Variants in PTPRD observed in about 807,000 individuals in gnomAD.
PTPRD encodes receptor-type tyrosine-protein phosphatase delta.
PTPRD carries 34 observed loss-of-function variants against 214.5 expected under a neutral mutation model. The observed-to-expected ratio is 0.16, with a 90% CI of 0.12 to 0.21. The LOEUF is 0.21. Ranked by LOEUF, PTPRD falls within the 10% of genes least tolerant of loss-of-function variation. The pLI, the probability that PTPRD is intolerant of heterozygous loss-of-function variation, is 1.00. For missense variants in PTPRD, 2,545 were observed against 2,398.7 expected (o/e 1.06, Z -1.27); for synonymous variants, 1,128 against 845.7 (o/e 1.33, Z -5.79).
intron 10 of PTPRD, among the ~76,000 whole-genome samples, chr9:9,152,009 G>C (rs544646821): frequency 1.3e-5 from 2 of 152,184 alleles, no homozygotes; most frequent in African/African-American, 4.8e-5. Flanking sequence ...TTAGATGAGT[G>C]AGAGTAACAC....
At chr9:10,248,135 T>G (rs888962506) in intron 3 of PTPRD, among the ~76,000 whole-genome samples, 1 of 152,106 alleles carries the variant, frequency 6.6e-6, no homozygotes, top group Non-Finnish European at 1.5e-5. Context: ...AATAAACCTC[T>G]TTCTTTCTTA....
At chr9:9,387,734 G>C (rs895774919) in intron 9 of PTPRD, among the ~76,000 whole-genome samples, 30 of 152,108 alleles carry the variant, frequency 2.0e-4, no homozygotes, top group African/African-American at 7.2e-4. Flanking sequence ...CTATGGGATG[G>C]GGGCATGGCT....
intron 9 of PTPRD, among the ~76,000 whole-genome samples, chr9:9,236,785 G>A (rs2099967032): frequency 6.6e-6 from 1 of 151,780 alleles, no homozygotes; most frequent in Non-Finnish European, 1.5e-5. Flanking sequence ...CCATAAGGTT[G>A]GGACCCCAAA....
intron 5 of PTPRD, among the ~76,000 whole-genome samples, chr9:9,907,010 T>C (rs896938740): frequency 6.6e-5 from 10 of 151,624 alleles, no homozygotes; most frequent in Middle Eastern, 3.2e-3. Flanking sequence ...TTAGGAAAAA[T>C]TACCTAAGTT....
At chr9:10,173,926 C>G (rs1306567388) in intron 3 of PTPRD, among the ~76,000 whole-genome samples, 1 of 152,024 alleles carries the variant, frequency 6.6e-6, no homozygotes, top group South Asian at 2.1e-4. Context: ...TAATGTTGGT[C>G]ATACTTATGT....
At chr9:9,819,242 G>T (rs575110137) in intron 5 of PTPRD, among the ~76,000 whole-genome samples, 1 of 152,052 alleles carries the variant, frequency 6.6e-6, no homozygotes, top group African/African-American at 2.4e-5. Flanking sequence ...AGTTTGGCTG[G>T]AGTATCGGCA....
At chr9:8,329,017 A>T (rs1206773060) in intron 44 of PTPRD, among the ~76,000 whole-genome samples, 4 of 152,102 alleles carry the variant, frequency 2.6e-5, no homozygotes, top group African/African-American at 9.7e-5. Context: ...CCACGTTCTG[A>T]AGCTGACATC....
chr9:10,440,666 A>G lies in PTPRD; in HGVS notation c.-599-99649T>C, dbSNP rs890931586. Among the ~76,000 whole-genome samples the G allele has an allele frequency of 3.3e-5, 5 of 151,828 alleles. No individual in the cohort carries two copies. In the East Asian group the frequency reaches 9.7e-4, roughly 29 times the overall value. ...AGACCAAACTTGAAAGCAATGAGAA[A>G]TCTAGGTTGGACAGATCATTTCACC... On this transcript the variant is annotated intron_variant, in intron 2 of 45. Transcript: ENST00000381196.
intron 9 of PTPRD, among the ~76,000 whole-genome samples, chr9:9,347,856 TCAC>T (rs2049460960): frequency 6.6e-6 from 1 of 152,124 alleles, no homozygotes; most frequent in African/African-American, 2.4e-5. Context: ...ATTCAAATCA[TCAC>T]TACTGTGGCA....
intron 2 of PTPRD, among the ~76,000 whole-genome samples, chr9:10,605,228 C>T (rs944516813): frequency 6.6e-6 from 1 of 151,800 alleles, no homozygotes; most frequent in African/African-American, 2.4e-5. Context: ...TGTCTATTCT[C>T]TTTCCTGAGA....
At chr9:8,500,656 A>G (rs752904439) in intron 24 of PTPRD, 98 bp downstream of exon 24, 6 of 1,262,430 alleles carry the variant, frequency 4.8e-6, no homozygotes, top group Non-Finnish European at 6.6e-6. Flanking sequence ...CTGGGTAAAA[A>G]GATGAGCAGA....
chr9:8,362,416 G>C (rs1159160207), intron 39 of PTPRD, among the ~76,000 whole-genome samples: 5 of 152,200 alleles, frequency 3.3e-5, no homozygotes, highest in Non-Finnish European at 7.4e-5. Context: ...ACACACGAAA[G>C]AGGGATGAAA....
intron 9 of PTPRD, among the ~76,000 whole-genome samples, chr9:9,362,766 T>G (rs936093723): frequency 6.6e-6 from 1 of 151,318 alleles, no homozygotes; most frequent in Non-Finnish European, 1.5e-5. Flanking sequence ...CTTGATAGAA[T>G]AGCAAATGTG....
intron 2 of PTPRD, among the ~76,000 whole-genome samples, chr9:10,398,746 T>G (rs949160532): frequency 6.6e-6 from 1 of 152,116 alleles, no homozygotes; most frequent in South Asian, 2.1e-4. Context: ...CGGCCACGTA[T>G]GCATATTGTG....
At chr9:10,075,997 A>T (rs2098126530) in intron 3 of PTPRD, among the ~76,000 whole-genome samples, 1 of 152,162 alleles carries the variant, frequency 6.6e-6, no homozygotes, top group Non-Finnish European at 1.5e-5. Context: ...TGAATCAGTT[A>T]AACTAATAAT....
At chr9:9,599,463 T>C (rs989278576) in intron 7 of PTPRD, among the ~76,000 whole-genome samples, 2 of 152,084 alleles carry the variant, frequency 1.3e-5, no homozygotes, top group Non-Finnish European at 2.9e-5. Flanking sequence ...TTGGGCTTCC[T>C]GGGCTGGGTG....
At chr9:9,266,932 G>A (rs766269684) in intron 9 of PTPRD, among the ~76,000 whole-genome samples, 2 of 149,956 alleles carry the variant, frequency 1.3e-5, no homozygotes, top group Non-Finnish European at 3.0e-5. Flanking sequence ...TTAGAAGGAA[G>A]GAAATAACAA....
At chr9:9,889,450 A>T (rs2153770614) in intron 5 of PTPRD, among the ~76,000 whole-genome samples, 1 of 152,300 alleles carries the variant, frequency 6.6e-6, no homozygotes, top group Non-Finnish European at 1.5e-5. Flanking sequence ...CTCACTGAGG[A>T]GGCAACTCCT....
At chr9:9,151,176 T>C (rs1227822631) in intron 10 of PTPRD, among the ~76,000 whole-genome samples, 2 of 152,254 alleles carry the variant, frequency 1.3e-5, no homozygotes, top group Admixed American at 1.3e-4. Flanking sequence ...ACCTCGGATC[T>C]CAATGAATTC....
Sources: allele counts gnomAD v4.1 joint callset (sites outside exome capture counted in the v4.1 genomes callset), GRCh38; gene constraint gnomAD v4.1.1; transcripts MANE v1.5; gene names NCBI Gene and HGNC (gene_info 2026-07-23, HGNC 2026-07-21).